The following GFRA2 variants were observed in gnomAD, a reference collection of about 807,000 sequenced individuals.
The protein encoded by GFRA2 is GDNF family receptor alpha 2, also known as GDNF family receptor alpha-2.
In GFRA2, 17 loss-of-function variants were observed where a neutral mutation model predicts 48.3. That is an observed-to-expected ratio of 0.35 (90% confidence interval 0.24 to 0.53). GFRA2 has a LOEUF of 0.53. Ranked by LOEUF, GFRA2 falls within the 20% of genes least tolerant of loss-of-function variation. The pLI is 0.93. For missense variants in GFRA2, 660 were observed against 637.3 expected (o/e 1.04, Z -0.38); for synonymous variants, 305 against 257.2 (o/e 1.19, Z -1.78).
At chr8:21,751,031 T>G in intron 3 of GFRA2, 89 bp from the exon 4 acceptor site, 1 of 856,212 alleles carries the variant, frequency 1.2e-6, no homozygotes, top group Non-Finnish European at 1.8e-6. Context: ...CTCCCAGTAC[T>G]CGATATGCTT....
chr8:21,758,250 C>T lies in GFRA2; in HGVS notation c.440-7308G>A, dbSNP rs1027216559. On this transcript the variant is annotated intron_variant, in intron 3 of 8. Coordinates refer to ENST00000524240, the MANE Select transcript of GFRA2 (RefSeq NM_001495.5). ...ACACCTCACCCAGCACACAATTTAG[C>T]AAGCCTGCCCTTCACAGACGGTGGT... Among the ~76,000 whole-genome samples, 3 of 152,150 alleles carry T rather than the reference C, an allele frequency of 2.0e-5. No homozygotes were observed. In the East Asian group the frequency reaches 5.8e-4, roughly 29 times the overall value.
At chr8:21,713,057 C>T (rs1300316701) in intron 4 of GFRA2, among the ~76,000 whole-genome samples, 7 of 129,304 alleles carry the variant, frequency 5.4e-5, no homozygotes, top group African/African-American at 1.1e-4. Context: ...GAGAGGGAGA[C>T]GAGGGAAAGG....
chr8:21,784,475 T>TC (rs1442737538), intron 1 of GFRA2: 2 of 380,484 alleles, frequency 5.3e-6, no homozygotes, highest in Non-Finnish European at 1.1e-5. Context: ...TCTCAGGCCA[T>TC]CCCCCGGGAG....
intron 3 of GFRA2, among the ~76,000 whole-genome samples, chr8:21,764,643 G>A (rs1011204542): frequency 3.3e-5 from 5 of 152,186 alleles, no homozygotes; most frequent in Admixed American, 6.5e-5. Flanking sequence ...CATGCGTGCT[G>A]GTGCACGCCA....
At chr8:21,759,625 A>C (rs1805798295) in intron 3 of GFRA2, among the ~76,000 whole-genome samples, 1 of 151,526 alleles carries the variant, frequency 6.6e-6, no homozygotes, top group East Asian at 2.0e-4. Flanking sequence ...GCAGTGCTTC[A>C]CACCTGTAAC....
intron 2 of GFRA2, among the ~76,000 whole-genome samples, chr8:21,794,993 T>G (rs1438567005): frequency 2.0e-5 from 3 of 152,236 alleles, no homozygotes; most frequent in African/African-American, 7.2e-5. Flanking sequence ...TCTTTAGAGG[T>G]AGGCACCGGC....
intron 4 of GFRA2, among the ~76,000 whole-genome samples, chr8:21,748,288 C>T (rs1453871615): frequency 6.6e-6 from 1 of 152,164 alleles, no homozygotes. Context: ...ACCACCCCCA[C>T]TGAATGGCTC....
At chr8:21,778,791 G>A (rs1030444981) in intron 2 of GFRA2, among the ~76,000 whole-genome samples, 21 of 152,262 alleles carry the variant, frequency 1.4e-4, no homozygotes, top group Non-Finnish European at 2.5e-4. Flanking sequence ...GGAGGCTGAG[G>A]CAGAAGGGTC....
intron 4 of GFRA2, among the ~76,000 whole-genome samples, chr8:21,725,524 T>G (rs894752252): frequency 1.3e-5 from 2 of 152,246 alleles, no homozygotes; most frequent in Non-Finnish European, 2.9e-5. Context: ...TTCCTTTTAG[T>G]CTTGCCTTTA....
chr8:21,711,475 T>C (rs563443302), intron 4 of GFRA2, among the ~76,000 whole-genome samples: 1 of 152,224 alleles, frequency 6.6e-6, no homozygotes, highest in African/African-American at 2.4e-5. Flanking sequence ...TCTCTGGGCG[T>C]GTTTCCTTGG....
intron 2 of GFRA2, among the ~76,000 whole-genome samples, chr8:21,780,244 T>TGGCC (rs1249254226): frequency 6.6e-6 from 1 of 152,096 alleles, no homozygotes; most frequent in Non-Finnish European, 1.5e-5. Flanking sequence ...CGATGGCCGA[T>TGGCC]GGCCGGCACG....
intron 7 of GFRA2, among the ~76,000 whole-genome samples, chr8:21,697,702 A>G (rs573129009): frequency 1.3e-5 from 2 of 152,282 alleles, no homozygotes; most frequent in Admixed American, 1.3e-4. Flanking sequence ...CTTGAATTGT[A>G]GCTCCTATGA....
At chr8:21,730,235 T>C (rs1280535548) in intron 4 of GFRA2, among the ~76,000 whole-genome samples, 3 of 151,912 alleles carry the variant, frequency 2.0e-5, no homozygotes, top group Non-Finnish European at 4.4e-5. Flanking sequence ...TAAAACCCCA[T>C]CTCTACTAAA....
chr8:21,697,786 C>T (rs1802281827), intron 7 of GFRA2, among the ~76,000 whole-genome samples: 1 of 152,116 alleles, frequency 6.6e-6, no homozygotes, highest in South Asian at 2.1e-4. Context: ...ATGCTGTTCT[C>T]GTGGTAGTGA....
chr8:21,791,386 T>C (rs374477856), upstream of GFRA2, among the ~76,000 whole-genome samples: 1,504 of 152,224 alleles, frequency 9.9e-3, 21 homozygotes, highest in South Asian at 0.044. Context: ...ATTCAGCTTG[T>C]GTGACTGCAG....
chr8:21,724,257 ATC>A (rs1803747095), intron 4 of GFRA2, among the ~76,000 whole-genome samples: 1 of 151,534 alleles, frequency 6.6e-6, no homozygotes, highest in African/African-American at 2.4e-5. Flanking sequence ...TTGGTGTTCC[ATC>A]TCGTTGCCCC....
chr8:21,765,477 C>T (rs1193394370), intron 3 of GFRA2, among the ~76,000 whole-genome samples: 1 of 152,002 alleles, frequency 6.6e-6, no homozygotes, highest in Admixed American at 6.6e-5. Context: ...ATTTCTCTCT[C>T]CCTCTCTGGC....
chr8:21,703,329 C>T (rs1287050864), intron 6 of GFRA2, among the ~76,000 whole-genome samples: 1 of 152,116 alleles, frequency 6.6e-6, no homozygotes, highest in East Asian at 1.9e-4. Flanking sequence ...CCACCAGCCA[C>T]ACCTCCCAAA....
chr8:21,703,598 C>G (rs1802592533), intron 6 of GFRA2, among the ~76,000 whole-genome samples: 1 of 152,242 alleles, frequency 6.6e-6, no homozygotes, highest in South Asian at 2.1e-4. Context: ...CTACCCTTGT[C>G]AACGCTCCTT....
Sources: gnomAD v4.1 joint callset for allele counts (sites outside exome capture counted in the v4.1 genomes callset) on GRCh38, gnomAD v4.1.1 for gene constraint, MANE v1.5 for transcripts, NCBI Gene and HGNC (gene_info 2026-07-23, HGNC 2026-07-21) for gene names.